Variants in WSCD2 observed in about 807,000 individuals in gnomAD.
The protein encoded by WSCD2 is sialate:O-sulfotransferase 2.
In WSCD2, 28 loss-of-function variants were observed where a neutral mutation model predicts 55.7. The ratio of observed to expected loss-of-function variants is 0.50; its 90% CI spans 0.37 to 0.69. WSCD2 has a LOEUF of 0.69. Among genes scored for constraint, WSCD2 ranks in the 30% least tolerant of loss-of-function variants. WSCD2 has a pLI of 0.00. For synonymous variants in WSCD2, 301 were observed against 301.9 expected (o/e 1.00, Z 0.03); for missense variants, 616 against 762.1 (o/e 0.81, Z 2.26).
chr12:108,142,290 T>G (rs1050670823), intron 1 of WSCD2, among the ~76,000 whole-genome samples: 4 of 152,172 alleles, frequency 2.6e-5, no homozygotes, highest in African/African-American at 9.7e-5. Flanking sequence ...TAAATAACAA[T>G]TATGTATTTC....
intron 1 of WSCD2, among the ~76,000 whole-genome samples, chr12:108,146,979 T>C (rs933734333): frequency 2.0e-5 from 3 of 152,210 alleles, no homozygotes; most frequent in Non-Finnish European, 4.4e-5. Flanking sequence ...ATTAAACAGA[T>C]AGTAATTGAG....
At chr12:108,227,753 G>GAT (rs60234295) in intron 6 of WSCD2, among the ~76,000 whole-genome samples, 5 of 150,934 alleles carry the variant, frequency 3.3e-5, no homozygotes, top group East Asian at 3.9e-4. Flanking sequence ...TGATGATGAT[G>GAT]GTGATGATTA....
intron 7 of WSCD2, among the ~76,000 whole-genome samples, chr12:108,239,879 A>C (rs772865647): frequency 1.3e-5 from 2 of 152,004 alleles, no homozygotes; most frequent in South Asian, 2.1e-4. Flanking sequence ...ATGCCTGGCT[A>C]ATTTTTTTTT....
chr12:108,206,237 A>G, intron 2 of WSCD2, 52 bp from the exon 3 acceptor site: 1 of 1,497,568 alleles, frequency 6.7e-7, no homozygotes, highest in South Asian at 1.1e-5. Flanking sequence ...TTCCTCCTGT[A>G]ACCCTTGCAG....
At chr12:108,133,355 C>A (rs554331082) in intron 1 of WSCD2, among the ~76,000 whole-genome samples, 294 of 152,156 alleles carry the variant, frequency 1.9e-3, no homozygotes, top group African/African-American at 6.8e-3. Flanking sequence ...TGTACTGTAT[C>A]TTTTTGCACA....
chr12:108,137,631 G>A (rs1460662719), intron 1 of WSCD2, among the ~76,000 whole-genome samples: 1 of 152,202 alleles, frequency 6.6e-6, no homozygotes, highest in African/African-American at 2.4e-5. Flanking sequence ...ACCTCATCCC[G>A]TAACTTCTGT....
rs1373831777 is a variant in WSCD2, at chr12:108,196,128, A to G, written c.296A>G (p.Asn99Ser). ...CCCTGGTTCAAGGGCAAGGATGGGA[A>G]TGAGAGAGCCAAGCTTGGCGACTAC... ...YGPWFKGKDGNERAKLGDYGG... is the reference protein window; with the variant it reads ...YGPWFKGKDGSERAKLGDYGG... The change falls in exon 2 of 9, where the codon AAT becomes AGT. Residue 99 changes from asparagine to serine, a missense_variant. Around this residue, in one of 3 missense-constraint regions of WSCD2, gnomAD observed 374 missense variants for 467.4 expected, o/e 0.80. Coordinates refer to ENST00000547525, the MANE Select transcript of WSCD2 (RefSeq NM_014653.4). 1 of 1,613,996 alleles carries G rather than the reference A, an allele frequency of 6.2e-7. No homozygotes were observed. The highest frequency in any genetic ancestry group is 1.3e-5 in the African/African-American group (1 of 74,902).
At chr12:108,150,819 C>T (rs1451732236) in intron 1 of WSCD2, among the ~76,000 whole-genome samples, 2 of 152,148 alleles carry the variant, frequency 1.3e-5, no homozygotes, top group African/African-American at 4.8e-5. Context: ...TTGCTGGGCC[C>T]AGCAGGCACT....
intron 8 of WSCD2, among the ~76,000 whole-genome samples, chr12:108,245,618 G>A (rs1221009584): frequency 2.0e-5 from 3 of 152,168 alleles, no homozygotes; most frequent in East Asian, 1.9e-4. Context: ...GTTGTTGCTG[G>A]GTGCTGGGTG....
intron 1 of WSCD2, among the ~76,000 whole-genome samples, chr12:108,167,892 A>G (rs1180274856): frequency 6.6e-6 from 1 of 152,236 alleles, no homozygotes; most frequent in South Asian, 2.1e-4. Context: ...AACCCCATGC[A>G]AGCCCCACTG....
At chr12:108,150,547 C>G (rs542816825) in intron 1 of WSCD2, among the ~76,000 whole-genome samples, 1 of 152,072 alleles carries the variant, frequency 6.6e-6, no homozygotes, top group Non-Finnish European at 1.5e-5. Flanking sequence ...TGCAGAAAGT[C>G]CCCTACAGAG....
At chr12:108,240,943 A>G (rs1889694342) in intron 8 of WSCD2, among the ~76,000 whole-genome samples, 1 of 152,212 alleles carries the variant, frequency 6.6e-6, no homozygotes, top group Non-Finnish European at 1.5e-5. Context: ...AATTTTACAA[A>G]CACTCAGTAG....
At chr12:108,243,341 T>C (rs1285731864) in intron 8 of WSCD2, among the ~76,000 whole-genome samples, 1 of 152,098 alleles carries the variant, frequency 6.6e-6, no homozygotes. Context: ...GGGTTCACGC[T>C]GTTCTCCTGC....
chr12:108,132,982 T>C (rs1440907741), intron 1 of WSCD2, among the ~76,000 whole-genome samples: 1 of 152,202 alleles, frequency 6.6e-6, no homozygotes, highest in Non-Finnish European at 1.5e-5. Flanking sequence ...TCTGTGAATG[T>C]CTCTGTGTAA....
chr12:108,232,273 T>G (rs1244614161), intron 6 of WSCD2, among the ~76,000 whole-genome samples: 4 of 152,194 alleles, frequency 2.6e-5, no homozygotes. Context: ...GTGAGTACCA[T>G]TTGGATATTC....
At chr12:108,150,982 G>A (rs979474666) in intron 1 of WSCD2, among the ~76,000 whole-genome samples, 6 of 151,936 alleles carry the variant, frequency 3.9e-5, no homozygotes, top group South Asian at 2.1e-4. Flanking sequence ...CCATCTGAGC[G>A]TGAGCCCACG....
intron 1 of WSCD2, among the ~76,000 whole-genome samples, chr12:108,136,940 T>C (rs996795251): frequency 2.6e-5 from 4 of 152,028 alleles, no homozygotes; most frequent in African/African-American, 9.7e-5. Context: ...CAGGCTTGGG[T>C]GACTGAATGG....
chr12:108,166,341 T>C (rs1017327561), intron 1 of WSCD2, among the ~76,000 whole-genome samples: 2 of 152,228 alleles, frequency 1.3e-5, no homozygotes, highest in Admixed American at 6.5e-5. Flanking sequence ...ATGAATCTTA[T>C]GTCTAAAGAT....
At chr12:108,211,802 C>T (rs190165232) in intron 4 of WSCD2, among the ~76,000 whole-genome samples, 14 of 147,284 alleles carry the variant, frequency 9.5e-5, no homozygotes, top group African/African-American at 3.5e-4. Flanking sequence ...TAGAGTTTCC[C>T]GCCACCATGC....
Sources: gnomAD v4.1 joint callset for allele counts (sites outside exome capture counted in the v4.1 genomes callset) on GRCh38, gnomAD v4.1.1 for gene constraint, gnomAD v4.1.1 regional missense constraint, MANE v1.5 for transcripts, NCBI Gene and HGNC (gene_info 2026-07-23, HGNC 2026-07-21) for gene names.